The following DOCK5 variants were observed in gnomAD, a reference collection of about 807,000 sequenced individuals.
The protein encoded by DOCK5 is dedicator of cytokinesis 5.
A neutral mutation model predicts 251.8 loss-of-function variants in DOCK5; 142 were observed. That is an observed-to-expected ratio of 0.56 (90% CI 0.49 to 0.65). DOCK5 has a LOEUF of 0.65. DOCK5 is among the 30% of genes least tolerant of loss of function. The pLI, the probability that DOCK5 is intolerant of heterozygous loss-of-function variation, is 0.00. For missense variants in DOCK5, 2,111 were observed against 2,312.3 expected (o/e 0.91, Z 1.79); for synonymous variants, 842 against 835.5 (o/e 1.01, Z -0.13).
chr8:25,255,369 C>T (rs184575138), intron 2 of DOCK5, among the ~76,000 whole-genome samples: 133 of 152,144 alleles, frequency 8.7e-4, no homozygotes, highest in South Asian at 4.2e-4. Context: ...TATCATTCAG[C>T]GCTAAAAAGA....
At chr8:25,237,296 G>A (rs980379549) in intron 1 of DOCK5, among the ~76,000 whole-genome samples, 4 of 152,214 alleles carry the variant, frequency 2.6e-5, no homozygotes, top group African/African-American at 9.6e-5. Flanking sequence ...CAGAGCCTAG[G>A]GAGGTCAAGG....
intron 1 of DOCK5, among the ~76,000 whole-genome samples, chr8:25,235,986 C>G (rs887137020): frequency 2.0e-5 from 3 of 151,840 alleles, no homozygotes; most frequent in African/African-American, 7.3e-5. Context: ...TTAGTAGAGA[C>G]TGGGTTTTAC....
intron 32 of DOCK5, 108 bp from the exon 33 acceptor site, chr8:25,368,463 T>C (rs1037999166): frequency 1.0e-5 from 13 of 1,297,818 alleles, no homozygotes; most frequent in Admixed American, 5.2e-5. Context: ...CACTTCTGAA[T>C]TGAGTTGTTT....
At chr8:25,216,195 G>A (rs1298981431) in intron 1 of DOCK5, among the ~76,000 whole-genome samples, 4 of 143,360 alleles carry the variant, frequency 2.8e-5, no homozygotes, top group African/African-American at 1.0e-4. Context: ...ATGTATATAT[G>A]TATACAATAT....
At chr8:25,338,506 GT>G (rs546235483) in intron 22 of DOCK5, among the ~76,000 whole-genome samples, 1 of 151,364 alleles carries the variant, frequency 6.6e-6, no homozygotes, top group Non-Finnish European at 1.5e-5. Flanking sequence ...CTTTCTGATT[GT>G]TTTTAAAAAA....
chr8:25,368,008 G>A (rs2117278766), intron 31 of DOCK5, among the ~76,000 whole-genome samples, 184 bp from the exon 32 acceptor site: 1 of 152,212 alleles, frequency 6.6e-6, no homozygotes, highest in Non-Finnish European at 1.5e-5. Context: ...GCGGCACAAG[G>A]TCCCCCGGCC....
intron 6 of DOCK5, among the ~76,000 whole-genome samples, chr8:25,295,736 A>C (rs368470581): frequency 6.6e-6 from 1 of 152,226 alleles, no homozygotes; most frequent in African/African-American, 2.4e-5. Context: ...GGAAATAATA[A>C]CATTTACCTC....
chr8:25,382,904 G>T lies in DOCK5; in HGVS notation c.4131+126G>T, dbSNP rs991150884. 5.4e-6 allele frequency: 4 copies of T among 741,092 alleles called. No individual in the cohort carries two copies. In the African/African-American group the frequency reaches 7.2e-5, roughly 13 times the overall value. 45.9% of individuals were successfully genotyped at this position (741,092 alleles called of 1,614,324 possible). The stretch of plus-strand genomic sequence containing the variant: ...TTCTCGCTGTGGGAGGTAGGGGAGG[G>T]AAACCACTTCCTGAGCAGCCGGCCT... On this transcript the variant is annotated intron_variant, in intron 40 of 51. Coordinates refer to ENST00000276440, the MANE Select transcript of DOCK5 (RefSeq NM_024940.8).
rs140718633 is a variant in DOCK5 at position 25,285,004 on chromosome 8, A to G, written c.321+6339A>G. Among the ~76,000 whole-genome samples, 209 of 152,316 alleles carry G rather than the reference A, an allele frequency of 1.4e-3. 1 individual carries two copies. The East Asian group carries it at 0.031, about 23-fold the overall frequency. ...CATCTTCCCATGGGAGAAAGGGTTCAGTGAATTGTGGTCAATCGGGCTGTT... is the reference window on the plus strand; with the variant it reads ...CATCTTCCCATGGGAGAAAGGGTTCGGTGAATTGTGGTCAATCGGGCTGTT... On this transcript the variant is annotated intron_variant, in intron 5 of 51. Coordinates refer to ENST00000276440, the MANE Select transcript of DOCK5 (RefSeq NM_024940.8).
In DOCK5 at chr8:25,382,708, A is replaced by G; in HGVS notation, c.4061A>G (p.Lys1354Arg). 6.2e-7 allele frequency: 1 copy of G among 1,613,332 alleles called. No homozygotes were observed. The highest frequency in any genetic ancestry group is 8.5e-7 in the Non-Finnish European group (1 of 1,179,714). The change falls in exon 40 of 52, where the codon AAG becomes AGG. Residue 1354 changes from lysine to arginine, a missense_variant. Physicochemically the swap from Lys to Arg is conservative, Grantham distance 26 (BLOSUM62 2). Coordinates refer to ENST00000276440, the MANE Select transcript of DOCK5 (RefSeq NM_024940.8). ...KRASFYENII[K>R]AMRPQPEYFA... is the part of the protein sequence containing the mutation. Reference sequence around the variant, plus strand: ...GCCTCATTTTATGAGAACATCATTAAGGCAATGAGGCCTCAGCCTGAATAC... The same window carrying G: ...GCCTCATTTTATGAGAACATCATTAGGGCAATGAGGCCTCAGCCTGAATAC...
At chr8:25,190,343 T>A (rs1446946200) in intron 1 of DOCK5, among the ~76,000 whole-genome samples, 2 of 152,246 alleles carry the variant, frequency 1.3e-5, no homozygotes, top group East Asian at 3.8e-4. Context: ...GTATATGTAC[T>A]TCTTTATTAA....
At chr8:25,346,166 A>T (rs1043659523) in intron 26 of DOCK5, among the ~76,000 whole-genome samples, 1 of 151,988 alleles carries the variant, frequency 6.6e-6, no homozygotes, top group Non-Finnish European at 1.5e-5. Context: ...ACTATTCTTA[A>T]GAATCAAAGA....
rs567575265 is a variant in DOCK5 at position 25,257,913 on chromosome 8, T to A, written c.128-10932T>A. Among the ~76,000 whole-genome samples the A allele has an allele frequency of 7.2e-5, 11 of 152,264 alleles. No individual in the cohort carries two copies. In the East Asian group the frequency reaches 2.1e-3, roughly 29 times the overall value. On this transcript the variant is annotated intron_variant, in intron 2 of 51. Coordinates refer to ENST00000276440, the MANE Select transcript of DOCK5 (RefSeq NM_024940.8). ...TGTCATCTCAGCTTTCTTGACTGCT[T>A]GGATAAGCTAGAGAAATGCACCACA... is the stretch of plus-strand genomic sequence containing the variant.
At chr8:25,194,340 G>T (rs935595157) in intron 1 of DOCK5, among the ~76,000 whole-genome samples, 9 of 151,994 alleles carry the variant, frequency 5.9e-5, no homozygotes, top group African/African-American at 2.2e-4. Flanking sequence ...CTTTCCCCAT[G>T]TGTTTGTTTT....
chr8:25,240,693 T>C (rs1465282372), intron 1 of DOCK5, among the ~76,000 whole-genome samples: 2 of 152,240 alleles, frequency 1.3e-5, no homozygotes, highest in Non-Finnish European at 2.9e-5. Flanking sequence ...CCATACTTTG[T>C]GTATCCTTTC....
chr8:25,243,057 A>T (rs1190651301), intron 1 of DOCK5, among the ~76,000 whole-genome samples: 1 of 152,166 alleles, frequency 6.6e-6, no homozygotes, highest in Non-Finnish European at 1.5e-5. Context: ...AACACTTATC[A>T]CAACTTTAAC....
At chr8:25,249,315 GTTTGTT>G (rs1414626971) in intron 2 of DOCK5, among the ~76,000 whole-genome samples, 8 of 151,974 alleles carry the variant, frequency 5.3e-5, no homozygotes, top group Non-Finnish European at 1.0e-4. Context: ...GGGTTTTTTT[GTTTGTT>G]TTTAATAACA....
At chr8:25,408,655 T>G in intron 49 of DOCK5, 147 bp from the exon 50 acceptor site, 1 of 834,594 alleles carries the variant, frequency 1.2e-6, no homozygotes, top group Non-Finnish European at 1.9e-6. Context: ...CTGTTCGGTG[T>G]TGCCCATCAT....
intron 2 of DOCK5, among the ~76,000 whole-genome samples, chr8:25,245,977 CTCTT>C (rs1265003424): frequency 6.6e-6 from 1 of 152,144 alleles, no homozygotes; most frequent in Non-Finnish European, 1.5e-5. Flanking sequence ...TAGTTTGTGT[CTCTT>C]TATGGTGATG....
Sources: gnomAD v4.1 joint callset for allele counts (sites outside exome capture counted in the v4.1 genomes callset) on GRCh38, gnomAD v4.1.1 for gene constraint, MANE v1.5 for transcripts, NCBI Gene and HGNC (gene_info 2026-07-23, HGNC 2026-07-21) for gene names.